Variants in CDA observed in about 807,000 individuals in gnomAD.
CDA encodes cytidine aminohydrolase.
CDA carries 7 observed loss-of-function variants against 15.0 expected under a neutral mutation model. The observed-to-expected ratio is 0.47, with a 90% CI of 0.26 to 0.87. CDA has a LOEUF of 0.87. Among genes scored for constraint, CDA ranks in the 40% least tolerant of loss-of-function variants. The probability of loss-of-function intolerance (pLI) is 0.15; values close to 1 mark genes in which losing one functional copy is unlikely to be tolerated. For synonymous variants in CDA, 58 were observed against 73.0 expected (o/e 0.79, Z 1.05); for missense variants, 159 against 182.7 (o/e 0.87, Z 0.75).
At chr1:20,610,202 T>A (rs1570384975) in intron 2 of CDA, among the ~76,000 whole-genome samples, 1 of 151,928 alleles carries the variant, frequency 6.6e-6, no homozygotes, top group South Asian at 2.1e-4. Context: ...TTGGTTGAAG[T>A]GAGACAATGC....
intron 2 of CDA, 23 bp downstream of exon 2, chr1:20,605,062 A>C: frequency 7.4e-7 from 1 of 1,342,962 alleles, no homozygotes; most frequent in Non-Finnish European, 1.1e-6. Flanking sequence ...GCCAGGTTGC[A>C]ACAATATTCA....
chr1:20,596,544 C>G (rs965265111), intron 1 of CDA, among the ~76,000 whole-genome samples: 2 of 151,946 alleles, frequency 1.3e-5, no homozygotes, highest in Admixed American at 1.3e-4. Flanking sequence ...ATAACAAGAC[C>G]CTGTCTCTAA....
chr1:20,599,121 G>A (rs970634338), intron 1 of CDA, among the ~76,000 whole-genome samples: 8 of 152,144 alleles, frequency 5.3e-5, no homozygotes, highest in Non-Finnish European at 1.0e-4. Flanking sequence ...CCCTGAGTAG[G>A]GTGAATAGTG....
rs1201502098 is a variant in CDA at position 20,618,790 on chromosome 1, T to C, written c.*222T>C. 5.6e-6 allele frequency: 3 copies of C among 538,938 alleles called. No homozygotes were observed. In the African/African-American group the frequency reaches 5.7e-5, roughly 10 times the overall value. 33.4% of individuals were successfully genotyped at this position (538,938 alleles called of 1,614,324 possible). A position where few individuals can be genotyped will look rare whatever the true frequency, so the allele number is the denominator to read the frequency against. On this transcript the variant is annotated 3_prime_UTR_variant, in exon 4 of 4. Coordinates refer to ENST00000375071, the MANE Select transcript of CDA (RefSeq NM_001785.3). ...TGCCCCACCTTTCCTTTCCTTCCTGTGGGCCCTCTTTCAAAGTCCAGCCTA... is the reference window on the plus strand; with the variant it reads ...TGCCCCACCTTTCCTTTCCTTCCTGCGGGCCCTCTTTCAAAGTCCAGCCTA...
chr1:20,598,474 T>A (rs1317365395), intron 1 of CDA, among the ~76,000 whole-genome samples: 3 of 152,248 alleles, frequency 2.0e-5, no homozygotes, highest in Non-Finnish European at 2.9e-5. Flanking sequence ...GTCTGGGATA[T>A]TACGTTACAG....
At chr1:20,602,342 A>G (rs1231375655) in intron 1 of CDA, among the ~76,000 whole-genome samples, 2 of 152,066 alleles carry the variant, frequency 1.3e-5, no homozygotes, top group Admixed American at 6.5e-5. Context: ...CCTTCTGTCT[A>G]GATGTCCCAC....
At chr1:20,613,469 T>C (rs1217846093) in intron 2 of CDA, among the ~76,000 whole-genome samples, 1 of 152,190 alleles carries the variant, frequency 6.6e-6, no homozygotes, top group Non-Finnish European at 1.5e-5. Flanking sequence ...CCTCCCAAAG[T>C]GCTGGGATTA....
chr1:20,611,093 A>G (rs1171581755), intron 2 of CDA, among the ~76,000 whole-genome samples: 1 of 152,164 alleles, frequency 6.6e-6, no homozygotes, highest in Admixed American at 6.5e-5. Context: ...TCAGAAAATG[A>G]GTCAAGTGCG....
At chr1:20,591,849 GTT>G (rs397966736) in intron 1 of CDA, among the ~76,000 whole-genome samples, 1 of 118,174 alleles carries the variant, frequency 8.5e-6, no homozygotes, top group Non-Finnish European at 1.8e-5. Context: ...GTTTTTTTTT[GTT>G]TTTTTTTTTT....
At chr1:20,611,720 G>A (rs1381978071) in intron 2 of CDA, among the ~76,000 whole-genome samples, 1 of 152,214 alleles carries the variant, frequency 6.6e-6, no homozygotes, top group African/African-American at 2.4e-5. Flanking sequence ...CCTGCTCAGA[G>A]CTGGAGGTCT....
intron 1 of CDA, among the ~76,000 whole-genome samples, chr1:20,599,118 T>G (rs1002761599): frequency 2.0e-5 from 3 of 151,920 alleles, no homozygotes; most frequent in Non-Finnish European, 2.9e-5. Context: ...GAGCCCTGAG[T>G]AGGGTGAATA....
Position 20,589,221 on chromosome 1 carries a change from G to T in CDA, c.92G>T (p.Cys31Phe), listed in dbSNP as rs1372778717. Residue 31 changes from cysteine (C) to phenylalanine (F), a missense_variant, in exon 1 of 4, where the codon TGC (cysteine) becomes TTC (phenylalanine). Cys to Phe is a radical substitution (Grantham distance 205). Coordinates refer to ENST00000375071, the MANE Select transcript of CDA (RefSeq NM_001785.3). ...CSQEAKKSAY[C>F]PYSHFPVGAA... ...CAGGAGGCCAAGAAGTCAGCCTACT[G>T]CCCCTACAGTCACTTTCCTGTGGGG... 2 of 1,613,864 alleles carry T rather than the reference G, an allele frequency of 1.2e-6. No homozygotes were observed. The highest frequency in any genetic ancestry group is 1.7e-6 in the Non-Finnish European group (2 of 1,179,788).
intron 1 of CDA, 129 bp from the exon 2 acceptor site, chr1:20,604,799 G>A (rs72553951): frequency 1.4e-6 from 1 of 717,290 alleles, no homozygotes; most frequent in South Asian, 1.5e-5. Flanking sequence ...TAATTGCCCT[G>A]TCCTTCTCCC....
At chr1:20,615,631 C>T (rs1214838502) in intron 3 of CDA, among the ~76,000 whole-genome samples, 3 of 152,082 alleles carry the variant, frequency 2.0e-5, no homozygotes, top group Admixed American at 2.0e-4. Context: ...TCAAAGAGAT[C>T]TGTGTCCTCT....
At chr1:20,615,119 C>CA (rs997678046) in intron 3 of CDA, among the ~76,000 whole-genome samples, 8 of 152,090 alleles carry the variant, frequency 5.3e-5, no homozygotes, top group South Asian at 2.1e-4. Flanking sequence ...CTCGGCCTCC[C>CA]AAAGTGCTGG....
chr1:20,591,596 T>G (rs1253920), intron 1 of CDA, among the ~76,000 whole-genome samples: 86,208 of 151,978 alleles, frequency 0.57, 24,911 homozygotes, highest in Middle Eastern at 0.61. Context: ...GACTGAAGGC[T>G]CGAGCCTCAT....
At chr1:20,598,152 CTA>C (rs2052606293) in intron 1 of CDA, among the ~76,000 whole-genome samples, 1 of 152,176 alleles carries the variant, frequency 6.6e-6, no homozygotes, top group Non-Finnish European at 1.5e-5. Context: ...CAGGGTCTCG[CTA>C]TGTTTAATTG....
intron 2 of CDA, among the ~76,000 whole-genome samples, 172 bp downstream of exon 2, chr1:20,605,211 A>C (rs1019951570): frequency 2.0e-5 from 3 of 152,204 alleles, no homozygotes. Flanking sequence ...GAGATAAATA[A>C]GAAATGGAGT....
At position 20,589,201 on chromosome 1, in the gene CDA, G is replaced by A. The variant is rs2052526032; in HGVS notation, c.72G>A (p.Glu24=). ...CVQQLLVCSQ[E]AKKSAYCPYS... The stretch of plus-strand genomic sequence containing the variant: ...AGCAGCTGCTGGTTTGCTCCCAGGA[G>A]GCCAAGAAGTCAGCCTACTGCCCCT... Residue 24 remains glutamate, a synonymous_variant, in exon 1 of 4, where the codon GAG becomes GAA. Transcript: ENST00000375071. The A allele has an allele frequency of 6.2e-7, 1 of 1,613,886 alleles. No homozygotes were observed. Among genetic ancestry groups the A allele is most frequent in the East Asian group, 2.2e-5 (1 of 44,868 alleles).
Sources: gnomAD v4.1 joint callset for allele counts (sites outside exome capture counted in the v4.1 genomes callset) on GRCh38, gnomAD v4.1.1 for gene constraint, MANE v1.5 for transcripts, NCBI Gene and HGNC (gene_info 2026-07-23, HGNC 2026-07-21) for gene names.